Variants in MCTP1 observed in about 807,000 individuals in gnomAD.
The protein encoded by MCTP1 is multiple C2 and transmembrane domain containing 1.
MCTP1 carries 69 observed loss-of-function variants against 120.6 expected under a neutral mutation model. That is an observed-to-expected ratio of 0.57 (90% CI 0.47 to 0.70). The LOEUF (loss-of-function observed/expected upper bound fraction) is 0.70. Ranked by LOEUF, MCTP1 falls within the 30% of genes least tolerant of loss-of-function variation. The probability of loss-of-function intolerance (pLI) is 0.00; values close to 1 mark genes in which losing one functional copy is unlikely to be tolerated. For synonymous variants in MCTP1, 529 were observed against 493.1 expected, an observed-to-expected ratio of 1.07 and a Z score of -0.96; for missense variants, 1,203 against 1,248.8, an observed-to-expected ratio of 0.96 and a Z score of 0.55.
intron 1 of MCTP1, among the ~76,000 whole-genome samples, chr5:95,159,030 T>G (rs1413789277): frequency 1.3e-5 from 2 of 152,204 alleles, no homozygotes; most frequent in African/African-American, 4.8e-5. Flanking sequence ...AATTATTTTT[T>G]GAAAAACTAT....
intron 1 of MCTP1, among the ~76,000 whole-genome samples, chr5:95,020,307 TTTCCAAAG>T (rs1837957894): frequency 1.3e-5 from 2 of 152,072 alleles, no homozygotes. Context: ...GGTTAAGGAA[TTTCCAAAG>T]ATAATTTTAA....
chr5:95,278,523 A>G lies in MCTP1; in HGVS notation c.720+5333T>C, dbSNP rs531264874. Among the ~76,000 whole-genome samples the G allele has an allele frequency of 2.0e-5, 3 of 152,272 alleles. No individual in the cohort carries two copies. In the East Asian group the frequency reaches 5.8e-4, roughly 29 times the overall value. On this transcript the variant is annotated intron_variant, in intron 1 of 22. Transcript: ENST00000515393. ...TTCACATTAAACAAACAAACAAACA[A>G]AGCCCAGTATGCAAATAATGACCCT...
chr5:94,734,949 G>A (rs1224595835), intron 19 of MCTP1, among the ~76,000 whole-genome samples: 1 of 152,028 alleles, frequency 6.6e-6, no homozygotes, highest in Non-Finnish European at 1.5e-5. Context: ...TCCCTTAATA[G>A]ATGTTTAGGT....
chr5:94,735,455 T>A (rs146395518), intron 19 of MCTP1, among the ~76,000 whole-genome samples: 9 of 152,076 alleles, frequency 5.9e-5, no homozygotes, highest in Non-Finnish European at 1.3e-4. Flanking sequence ...ATTTTTTTTT[T>A]AAATAGAGAC....
At chr5:95,086,188 A>G (rs1187334554) in intron 1 of MCTP1, among the ~76,000 whole-genome samples, 1 of 152,178 alleles carries the variant, frequency 6.6e-6, no homozygotes, top group African/African-American at 2.4e-5. Context: ...TCTAAAGGGG[A>G]ACTGAGAAAA....
intron 1 of MCTP1, among the ~76,000 whole-genome samples, chr5:95,242,728 T>C (rs1181176610): frequency 6.6e-6 from 1 of 152,140 alleles, no homozygotes; most frequent in Non-Finnish European, 1.5e-5. Flanking sequence ...AGATCAGTGG[T>C]AGCCTAGGGA....
At chr5:94,893,498 T>G (rs889477829) in intron 11 of MCTP1, among the ~76,000 whole-genome samples, 1 of 152,224 alleles carries the variant, frequency 6.6e-6, no homozygotes, top group African/African-American at 2.4e-5. Flanking sequence ...AAATATATAC[T>G]ATTTAGCCTT....
At chr5:95,049,537 A>T (rs1035997990) in intron 1 of MCTP1, among the ~76,000 whole-genome samples, 1 of 152,188 alleles carries the variant, frequency 6.6e-6, no homozygotes, top group Non-Finnish European at 1.5e-5. Context: ...ATAAACTAAA[A>T]AAGTCTAAAA....
intron 1 of MCTP1, among the ~76,000 whole-genome samples, chr5:95,133,424 T>C (rs188193165): frequency 1.3e-5 from 2 of 152,252 alleles, no homozygotes; most frequent in African/African-American, 4.8e-5. Flanking sequence ...GTAATCCCAG[T>C]ACTTTGGGAG....
intron 19 of MCTP1, among the ~76,000 whole-genome samples, chr5:94,754,512 G>A (rs1202388332): frequency 1.3e-5 from 2 of 152,210 alleles, no homozygotes; most frequent in Non-Finnish European, 2.9e-5. Context: ...ATGTCATTCT[G>A]CAATTTACAA....
At chr5:94,742,255 A>G (rs1765697679) in intron 19 of MCTP1, among the ~76,000 whole-genome samples, 1 of 152,164 alleles carries the variant, frequency 6.6e-6, no homozygotes, top group South Asian at 2.1e-4. Flanking sequence ...CGGTTTTGCC[A>G]TGTTGCCCAG....
At chr5:95,108,125 A>G (rs897151499) in intron 1 of MCTP1, among the ~76,000 whole-genome samples, 1 of 152,206 alleles carries the variant, frequency 6.6e-6, no homozygotes, top group Admixed American at 6.5e-5. Context: ...TGTGCTCGGC[A>G]TTCTCCTTTA....
In MCTP1 at chr5:95,157,291, A is replaced by G. The variant is rs188865312; in HGVS notation, c.720+126565T>C. The stretch of plus-strand genomic sequence containing the variant: ...TTGGGAATGGGACATGGAATAGCCA[A>G]TCTTTGATAGAAGAGGGTACTGCTA... On this transcript the variant is annotated intron_variant, in intron 1 of 22. Transcript: ENST00000515393. Among the ~76,000 whole-genome samples, 239 of 152,322 alleles carry G rather than the reference A, an allele frequency of 1.6e-3. 1 individual carries two copies. Among genetic ancestry groups the G allele is most frequent in the Non-Finnish European group, 6.9e-4 (47 of 68,024 alleles).
chr5:94,912,969 G>A lies in MCTP1; in HGVS notation c.1358C>T (p.Thr453Ile), dbSNP rs1330261898. Residue 453 changes from threonine to isoleucine, a missense_variant, in exon 9 of 23, where the codon ACC becomes ATC. Physicochemically the swap from Thr to Ile is moderately conservative, Grantham distance 89. Transcript: ENST00000515393. The part of the protein sequence containing the change: ...NPYCKNVQFQ[T>I]QSLRLSDLHR... The stretch of plus-strand genomic sequence containing the variant: ...TAGGTCTGATAGGCGTAAACTTTGG[G>A]TCTGAAACTTTTGGCAAATGAAAAT... 3 of 1,585,396 alleles carry A rather than the reference G, an allele frequency of 1.9e-6. No individual in the cohort carries two copies. The East Asian group carries it at 7.2e-5, about 38-fold the overall frequency.
At chr5:95,279,032 T>C (rs1033081443) in intron 1 of MCTP1, among the ~76,000 whole-genome samples, 17 of 151,974 alleles carry the variant, frequency 1.1e-4, no homozygotes, top group African/African-American at 3.9e-4. Flanking sequence ...TAAATAGATA[T>C]AGACCAAGAA....
chr5:94,745,966 T>TA (rs1256501389), intron 19 of MCTP1, among the ~76,000 whole-genome samples: 1 of 152,186 alleles, frequency 6.6e-6, no homozygotes, highest in Non-Finnish European at 1.5e-5. Context: ...GCCCCAGCTG[T>TA]AAGCATTGCA....
chr5:95,202,322 A>C (rs1751157962), intron 1 of MCTP1, among the ~76,000 whole-genome samples: 1 of 152,158 alleles, frequency 6.6e-6, no homozygotes, highest in Admixed American at 6.5e-5. Context: ...TTTTGGCCTT[A>C]GGCTGAGAGT....
chr5:94,736,219 T>C (rs1764200052), intron 19 of MCTP1, among the ~76,000 whole-genome samples: 1 of 152,234 alleles, frequency 6.6e-6, no homozygotes, highest in Admixed American at 6.5e-5. Flanking sequence ...CTGGGTGCAG[T>C]GGCTCATGCC....
chr5:95,069,847 C>A (rs1384529683), intron 1 of MCTP1, among the ~76,000 whole-genome samples: 2 of 152,102 alleles, frequency 1.3e-5, no homozygotes, highest in South Asian at 2.1e-4. Context: ...TACAGGCACC[C>A]ACTACCACGC....
Sources: allele counts gnomAD v4.1 joint callset (sites outside exome capture counted in the v4.1 genomes callset), GRCh38; gene constraint gnomAD v4.1.1; transcripts MANE v1.5; gene names NCBI Gene and HGNC (gene_info 2026-07-23, HGNC 2026-07-21).